The following STK32B variants were observed in gnomAD, a reference collection of about 807,000 sequenced individuals.
STK32B encodes serine/threonine-protein kinase 32B.
A neutral mutation model predicts 52.6 loss-of-function variants in STK32B; 43 were observed. The observed-to-expected ratio is 0.82, with a 90% confidence interval of 0.64 to 1.05. STK32B has a LOEUF of 1.05. Among genes scored for constraint, STK32B ranks in the 50% least tolerant of loss-of-function variants. The probability of loss-of-function intolerance (pLI) is 0.00; values close to 1 mark genes in which losing one functional copy is unlikely to be tolerated. For synonymous variants in STK32B, 238 were observed against 204.3 expected (o/e 1.17, Z -1.41); for missense variants, 621 against 534.6 (o/e 1.16, Z -1.59).
intron 1 of STK32B, among the ~76,000 whole-genome samples, chr4:5,081,565 T>C (rs981176484): frequency 2.6e-5 from 4 of 152,134 alleles, no homozygotes; most frequent in African/African-American, 9.7e-5. Context: ...TTTATTCCTT[T>C]TCATTCTTTT....
intron 3 of STK32B, among the ~76,000 whole-genome samples, chr4:5,255,291 G>C (rs1310666986): frequency 6.6e-6 from 1 of 152,122 alleles, no homozygotes; most frequent in Non-Finnish European, 1.5e-5. Flanking sequence ...ATTGTATGTA[G>C]AAAATTTAAT....
At chr4:5,421,314 T>C (rs989123532) in intron 6 of STK32B, among the ~76,000 whole-genome samples, 11 of 151,516 alleles carry the variant, frequency 7.3e-5, no homozygotes, top group African/African-American at 2.7e-4. Flanking sequence ...ATGGTCTCAA[T>C]CTCCTGACCT....
intron 7 of STK32B, among the ~76,000 whole-genome samples, chr4:5,450,439 C>T (rs1335197243): frequency 6.6e-6 from 1 of 152,190 alleles, no homozygotes; most frequent in Non-Finnish European, 1.5e-5. Context: ...CATTGATTAT[C>T]CTCAGGATCC....
intron 6 of STK32B, among the ~76,000 whole-genome samples, chr4:5,444,581 A>T (rs905000547): frequency 2.6e-4 from 40 of 152,158 alleles, no homozygotes; most frequent in Admixed American, 1.8e-3. Flanking sequence ...TCACACTGGG[A>T]GCTGTTGACC....
intron 3 of STK32B, among the ~76,000 whole-genome samples, chr4:5,197,734 T>C (rs1721801091): frequency 6.6e-6 from 1 of 152,218 alleles, no homozygotes; most frequent in Non-Finnish European, 1.5e-5. Flanking sequence ...GATGCTATCC[T>C]TTTATTCATG....
intron 3 of STK32B, among the ~76,000 whole-genome samples, chr4:5,326,894 C>T (rs1001697886): frequency 6.6e-6 from 1 of 152,136 alleles, no homozygotes; most frequent in African/African-American, 2.4e-5. Context: ...TAGCATTTTG[C>T]CCACAGTAGA....
At chr4:5,446,566 C>CAA (rs546330873) in intron 6 of STK32B, 107 bp from the exon 7 acceptor site, 3,176 of 707,280 alleles carry the variant, frequency 4.5e-3, no homozygotes, top group Non-Finnish European at 4.9e-3. Context: ...CAAAAAAAAA[C>CAA]AAAAAAAAAA....
intron 3 of STK32B, among the ~76,000 whole-genome samples, chr4:5,193,900 C>T (rs900234925): frequency 6.6e-6 from 1 of 152,222 alleles, no homozygotes; most frequent in African/African-American, 2.4e-5. Flanking sequence ...GTGCTGGGCA[C>T]CTCCTTCCAG....
At chr4:5,222,297 C>G (rs1374174047) in intron 3 of STK32B, among the ~76,000 whole-genome samples, 2 of 152,114 alleles carry the variant, frequency 1.3e-5, no homozygotes, top group African/African-American at 4.8e-5. Context: ...AGCTTTCAAA[C>G]TGGGTAATGG....
intron 2 of STK32B, among the ~76,000 whole-genome samples, chr4:5,164,165 C>T (rs1322796074): frequency 1.3e-5 from 2 of 152,202 alleles, no homozygotes; most frequent in Non-Finnish European, 2.9e-5. Context: ...TATTATCTTA[C>T]AGTTTCGAAG....
intron 4 of STK32B, among the ~76,000 whole-genome samples, chr4:5,348,064 G>A (rs1733583873): frequency 6.6e-6 from 1 of 152,184 alleles, no homozygotes; most frequent in African/African-American, 2.4e-5. Context: ...GTGATGGGAA[G>A]CACCAAAAGC....
intron 3 of STK32B, among the ~76,000 whole-genome samples, chr4:5,304,886 T>G (rs1222463693): frequency 6.6e-6 from 1 of 152,156 alleles, no homozygotes; most frequent in East Asian, 1.9e-4. Context: ...TGTTGAGGTT[T>G]TTAATCATAA....
At chr4:5,302,658 A>G (rs988620186) in intron 3 of STK32B, among the ~76,000 whole-genome samples, 5 of 152,042 alleles carry the variant, frequency 3.3e-5, no homozygotes, top group African/African-American at 4.8e-5. Flanking sequence ...GTTTGCTTAG[A>G]TTAAGTTCTT....
chr4:5,163,805 A>G (rs1490617808), intron 2 of STK32B, among the ~76,000 whole-genome samples: 2 of 152,238 alleles, frequency 1.3e-5, no homozygotes, highest in Admixed American at 1.3e-4. Context: ...TCCAAACATT[A>G]AACCTTAAAC....
At chr4:5,498,509 G>C (rs1344703884) in intron 11 of STK32B, among the ~76,000 whole-genome samples, 1 of 152,156 alleles carries the variant, frequency 6.6e-6, no homozygotes, top group East Asian at 1.9e-4. Flanking sequence ...AGGATCCCCT[G>C]CTCCTAGGCA....
At chr4:5,264,614 G>C (rs1030237712) in intron 3 of STK32B, among the ~76,000 whole-genome samples, 1 of 150,008 alleles carries the variant, frequency 6.7e-6, no homozygotes, top group African/African-American at 2.5e-5. Flanking sequence ...ATGAAACCCT[G>C]TCTCTACTAA....
At chr4:5,284,061 A>G (rs900478342) in intron 3 of STK32B, among the ~76,000 whole-genome samples, 3 of 152,204 alleles carry the variant, frequency 2.0e-5, no homozygotes, top group Non-Finnish European at 4.4e-5. Flanking sequence ...AATTACAAAA[A>G]CAAATGTAAA....
In STK32B at chr4:5,443,949, T is replaced by G. The variant is rs567047979; in HGVS notation, c.563-2724T>G. Among the ~76,000 whole-genome samples, 204 of 152,354 alleles carry G rather than the reference T, an allele frequency of 1.3e-3. 1 individual carries two copies. Among genetic ancestry groups the G allele is most frequent in the African/African-American group, 4.0e-3 (167 of 41,588 alleles). On this transcript the variant is annotated intron_variant, in intron 6 of 11. Coordinates refer to ENST00000282908, the MANE Select transcript of STK32B (RefSeq NM_018401.3). The stretch of plus-strand genomic sequence containing the variant: ...GTCAGGCACCCACTTGAGGAGGCAG[T>G]CTGCCAGTTCTCAGATCTCCAGCTG...
chr4:5,191,897 C>G (rs1011118395), intron 3 of STK32B, among the ~76,000 whole-genome samples: 4 of 152,214 alleles, frequency 2.6e-5, no homozygotes, highest in South Asian at 2.1e-4. Flanking sequence ...GCTCCCAGGT[C>G]CATGACCGGC....
Sources: gnomAD v4.1 joint callset for allele counts (sites outside exome capture counted in the v4.1 genomes callset) on GRCh38, gnomAD v4.1.1 for gene constraint, MANE v1.5 for transcripts, NCBI Gene and HGNC (gene_info 2026-07-23, HGNC 2026-07-21) for gene names.